The following MAML3 variants were observed in gnomAD, a reference collection of about 807,000 sequenced individuals.
The protein encoded by MAML3 is mastermind like transcriptional coactivator 3.
Under a neutral mutation model 101.9 loss-of-function variants are expected in MAML3, and 27 were observed. The observed-to-expected ratio is 0.27, with a 90% CI of 0.20 to 0.37. MAML3 has a LOEUF of 0.37. MAML3 is among the 10% of genes least tolerant of loss of function. The pLI is 1.00. For missense variants in MAML3, 1,316 were observed against 1,444.9 expected (o/e 0.91, Z 1.45); for synonymous variants, 501 against 555.9 (o/e 0.90, Z 1.39).
intron 1 of MAML3, among the ~76,000 whole-genome samples, chr4:140,071,699 T>C (rs1329537753): frequency 1.3e-5 from 2 of 150,810 alleles, no homozygotes; most frequent in African/African-American, 4.9e-5. Flanking sequence ...GTACATTCTC[T>C]TTCAGATCCA....
intron 2 of MAML3, among the ~76,000 whole-genome samples, chr4:139,869,735 G>A (rs966978406): frequency 1.3e-5 from 2 of 152,190 alleles, no homozygotes; most frequent in African/African-American, 4.8e-5. Flanking sequence ...GAGTGAGGGG[G>A]AAGAAATATA....
chr4:140,056,066 C>T (rs1223805104), intron 1 of MAML3, among the ~76,000 whole-genome samples: 1 of 152,134 alleles, frequency 6.6e-6, no homozygotes, highest in Admixed American at 6.5e-5. Context: ...GGGCTGGGAG[C>T]CCCAGACACT....
At chr4:139,974,902 A>G (rs1244344341) in intron 1 of MAML3, among the ~76,000 whole-genome samples, 2 of 152,094 alleles carry the variant, frequency 1.3e-5, no homozygotes, top group African/African-American at 4.8e-5. Flanking sequence ...ACTGTTTACT[A>G]AGAGTGCAGA....
intron 2 of MAML3, among the ~76,000 whole-genome samples, chr4:139,738,091 C>G (rs1346020641): frequency 6.6e-6 from 1 of 152,242 alleles, no homozygotes; most frequent in Non-Finnish European, 1.5e-5. Context: ...GGTAGAAACT[C>G]AGCTCCACCA....
chr4:139,759,719 T>C (rs1029282480), intron 2 of MAML3, among the ~76,000 whole-genome samples: 11 of 152,216 alleles, frequency 7.2e-5, no homozygotes, highest in African/African-American at 2.7e-4. Context: ...AAAAGAAAAA[T>C]GATTTAAGAT....
intron 1 of MAML3, among the ~76,000 whole-genome samples, chr4:139,967,960 C>A (rs796285285): frequency 6.0e-5 from 7 of 116,660 alleles, no homozygotes; most frequent in African/African-American, 1.9e-4. Flanking sequence ...GAGACCCTGT[C>A]TCAAAAAAAA....
chr4:140,077,112 C>G (rs1201440368), intron 1 of MAML3, among the ~76,000 whole-genome samples: 1 of 151,972 alleles, frequency 6.6e-6, no homozygotes, highest in Admixed American at 6.6e-5. Flanking sequence ...GAACTCCTGA[C>G]CTCAGGTGAT....
At chr4:140,045,763 A>G (rs1296378590) in intron 1 of MAML3, among the ~76,000 whole-genome samples, 2 of 152,182 alleles carry the variant, frequency 1.3e-5, no homozygotes, top group Non-Finnish European at 2.9e-5. Flanking sequence ...AGCCCTTGGA[A>G]AGGGGTCTCG....
intron 1 of MAML3, among the ~76,000 whole-genome samples, chr4:139,994,467 C>A (rs971443002): frequency 6.6e-6 from 1 of 152,044 alleles, no homozygotes; most frequent in Non-Finnish European, 1.5e-5. Context: ...GAGGTTGAGA[C>A]CAGGCTGGGC....
intron 1 of MAML3, among the ~76,000 whole-genome samples, chr4:139,926,424 C>T (rs900997805): frequency 3.3e-5 from 5 of 152,154 alleles, no homozygotes; most frequent in East Asian, 1.9e-4. Context: ...CAGGGTGAAA[C>T]CCTCTCTCTA....
At position 140,107,801 on chromosome 4, in the gene MAML3, G is replaced by A. The variant is rs141767906; in HGVS notation, c.468+45059C>T. 2.9e-3 allele frequency among the ~76,000 whole-genome samples: 435 copies of A among 151,146 alleles called. 4 individuals carry two copies. The highest frequency in any genetic ancestry group is 9.9e-3 in the African/African-American group (408 of 41,220). On this transcript the variant is annotated intron_variant, in intron 1 of 4. Coordinates refer to ENST00000509479, the MANE Select transcript of MAML3 (RefSeq NM_018717.5). ...ATTACCGGCATGAGCCACCATGCCC[G>A]ACCAAAAAAATGCTTCTTTAGGTAG... is the stretch of plus-strand genomic sequence containing the variant.
At chr4:139,919,093 C>T (rs1733078100) in intron 1 of MAML3, among the ~76,000 whole-genome samples, 2 of 151,996 alleles carry the variant, frequency 1.3e-5, no homozygotes. Flanking sequence ...GTCTTTTTTC[C>T]TCTGAGGGCT....
chr4:139,994,610 T>A (rs1013350797), intron 1 of MAML3, among the ~76,000 whole-genome samples: 8 of 152,026 alleles, frequency 5.3e-5, no homozygotes, highest in Non-Finnish European at 1.0e-4. Flanking sequence ...CTGTGAGCTA[T>A]GATTGTGCCA....
intron 1 of MAML3, among the ~76,000 whole-genome samples, chr4:140,094,552 T>G (rs2110987500): frequency 6.6e-6 from 1 of 152,300 alleles, no homozygotes; most frequent in East Asian, 1.9e-4. Context: ...TTGGAACCAA[T>G]TTACTCCTTT....
intron 1 of MAML3, among the ~76,000 whole-genome samples, chr4:139,891,300 A>T (rs1259219413): frequency 2.0e-5 from 3 of 152,152 alleles, no homozygotes; most frequent in Non-Finnish European, 4.4e-5. Flanking sequence ...TGTTTTTGAG[A>T]TGGAGTCTTG....
At chr4:139,798,040 GAA>G (rs1560797504) in intron 2 of MAML3, among the ~76,000 whole-genome samples, 50 of 20,270 alleles carry the variant, frequency 2.5e-3, no homozygotes, top group African/African-American at 4.3e-3. Flanking sequence ...GAGAGAGAAA[GAA>G]AGAAAGAAAG....
At chr4:139,776,206 C>T (rs1350220789) in intron 2 of MAML3, among the ~76,000 whole-genome samples, 1 of 152,024 alleles carries the variant, frequency 6.6e-6, no homozygotes, top group African/African-American at 2.4e-5. Flanking sequence ...GTATTTTGCT[C>T]TAATTTTATT....
intron 2 of MAML3, among the ~76,000 whole-genome samples, chr4:139,823,240 C>T (rs936795928): frequency 2.0e-4 from 31 of 152,176 alleles, no homozygotes; most frequent in Non-Finnish European, 1.5e-5. Context: ...CAGAAGGTTA[C>T]GTGATGGACC....
At chr4:139,926,914 G>T (rs1259148860) in intron 1 of MAML3, among the ~76,000 whole-genome samples, 1 of 152,102 alleles carries the variant, frequency 6.6e-6, no homozygotes, top group Non-Finnish European at 1.5e-5. Context: ...GCATTTAGTT[G>T]TTACTTCTCC....
Sources: gnomAD v4.1 joint callset for allele counts (sites outside exome capture counted in the v4.1 genomes callset) on GRCh38, gnomAD v4.1.1 for gene constraint, MANE v1.5 for transcripts, NCBI Gene and HGNC (gene_info 2026-07-23, HGNC 2026-07-21) for gene names.